Variants in GBF1 observed in about 807,000 individuals in gnomAD.
GBF1 encodes the protein Golgi-specific brefeldin A-resistance guanine nucleotide exchange factor 1.
A neutral mutation model predicts 210.5 loss-of-function variants in GBF1; 114 were observed. That is an observed-to-expected ratio of 0.54 (90% CI 0.47 to 0.63). The LOEUF (loss-of-function observed/expected upper bound fraction) is 0.63. Ranked by LOEUF, GBF1 falls within the 30% of genes least tolerant of loss-of-function variation. The pLI, the probability that GBF1 is intolerant of heterozygous loss-of-function variation, is 0.00. For synonymous variants in GBF1, 850 were observed against 889.2 expected (o/e 0.96, Z 0.78); for missense variants, 1,851 against 2,357.7 (o/e 0.79, Z 4.45).
intron 3 of GBF1, among the ~76,000 whole-genome samples, chr10:102,278,355 C>T (rs1324368409): frequency 6.6e-6 from 1 of 151,706 alleles, no homozygotes; most frequent in African/African-American, 2.4e-5. Context: ...TCGTAGCTTA[C>T]TGCAGCCTAG....
chr10:102,301,914 G>A (rs1589553750), intron 3 of GBF1, among the ~76,000 whole-genome samples: 4 of 152,206 alleles, frequency 2.6e-5, no homozygotes, highest in South Asian at 2.1e-4. Context: ...CAAGGCAGGC[G>A]GCTGGGAGGT....
At chr10:102,263,820 T>G (rs1472747382) in intron 3 of GBF1, among the ~76,000 whole-genome samples, 3 of 152,216 alleles carry the variant, frequency 2.0e-5, no homozygotes, top group Non-Finnish European at 2.9e-5. Flanking sequence ...AGGGTTGCTC[T>G]TGGAAGAAAA....
At chr10:102,261,611 C>T (rs1203616008) in intron 3 of GBF1, among the ~76,000 whole-genome samples, 4 of 130,642 alleles carry the variant, frequency 3.1e-5, no homozygotes, top group African/African-American at 9.1e-5. Flanking sequence ...TTCTTTCTTT[C>T]TTTCTTTTTT....
In GBF1 at chr10:102,382,266, C is replaced by T; in HGVS notation, c.5513C>T (p.Ala1838Val). Reference protein sequence around the residue: ...PIILNPALIEATSPVPLLATP... With the variant: ...PIILNPALIEVTSPVPLLATP... ...ATCCTCAACCCTGCGCTCATCGAGGCCACCTCACCAGTGCCCCTCCTGGCC... is the reference window on the plus strand; with the variant it reads ...ATCCTCAACCCTGCGCTCATCGAGGTCACCTCACCAGTGCCCCTCCTGGCC... Residue 1838 changes from alanine to valine, a missense_variant, in exon 40 of 40, where the codon GCC becomes GTC. Ala to Val is a moderately conservative substitution (Grantham distance 64, BLOSUM62 0). Transcript: ENST00000369983. 1 of 1,613,982 alleles carries T rather than the reference C, an allele frequency of 6.2e-7. No homozygotes were observed. Among genetic ancestry groups the T allele is most frequent in the Non-Finnish European group, 8.5e-7 (1 of 1,179,864 alleles).
At chr10:102,333,826 CT>C (rs1167907737) in intron 3 of GBF1, among the ~76,000 whole-genome samples, 2 of 152,160 alleles carry the variant, frequency 1.3e-5, no homozygotes, top group South Asian at 2.1e-4. Flanking sequence ...CACTATCAAT[CT>C]TGACTTTTGC....
At chr10:102,320,070 A>AT (rs2056255244) in intron 3 of GBF1, among the ~76,000 whole-genome samples, 1 of 151,214 alleles carries the variant, frequency 6.6e-6, no homozygotes, top group Non-Finnish European at 1.5e-5. Flanking sequence ...TTTATTTTTT[A>AT]TTTTTTACGT....
chr10:102,331,222 A>G (rs553166966), intron 3 of GBF1, among the ~76,000 whole-genome samples: 1 of 152,216 alleles, frequency 6.6e-6, no homozygotes, highest in South Asian at 2.1e-4. Context: ...AGATGGCAAA[A>G]ATAATTTTCT....
At chr10:102,276,354 G>A (rs1201763049) in intron 3 of GBF1, among the ~76,000 whole-genome samples, 11 of 151,618 alleles carry the variant, frequency 7.3e-5, no homozygotes, top group Non-Finnish European at 2.9e-5. Flanking sequence ...GTGAAACCCC[G>A]TCTCTACTAA....
upstream of GBF1, among the ~76,000 whole-genome samples, chr10:102,245,220 G>A (rs997660682): frequency 6.6e-6 from 1 of 152,106 alleles, no homozygotes; most frequent in Non-Finnish European, 1.5e-5. Flanking sequence ...ATAATGCCCA[G>A]CAGCCACTGC....
At chr10:102,350,778 G>A (rs566566905) in intron 4 of GBF1, among the ~76,000 whole-genome samples, 30 of 152,052 alleles carry the variant, frequency 2.0e-4, no homozygotes, top group Non-Finnish European at 4.4e-4. Context: ...TTTGTGTTGA[G>A]GAGCTCATTA....
At position 102,359,390 on chromosome 10, in the gene GBF1, G is replaced by A. The variant is rs760868521; in HGVS notation, c.1135G>A (p.Val379Ile). ...TGCCTCTGTCCATGACATGGATTAC[G>A]TCAATCCCCGGGGCGTGCGCTTTAC... Reference protein sequence around the residue: ...DSASVHDMDYVNPRGVRFTQS... With the variant: ...DSASVHDMDYINPRGVRFTQS... The change falls in exon 11 of 40, where the codon GTC (valine) becomes ATC (isoleucine). Residue 379 changes from valine to isoleucine, a missense_variant. Physicochemically the swap from Val to Ile is conservative, Grantham distance 29 (BLOSUM62 3). This residue lies in a region of GBF1 where 804 missense variants were observed against 958.6 expected (regional missense o/e 0.84). Coordinates refer to ENST00000369983, the MANE Select transcript of GBF1 (RefSeq NM_001377137.1). The A allele has an allele frequency of 4.7e-5, 76 of 1,613,740 alleles. No homozygotes were observed. Among genetic ancestry groups the A allele is most frequent in the Non-Finnish European group, 5.8e-5 (69 of 1,179,762 alleles).
In GBF1 at chr10:102,369,219, G is replaced by T; in HGVS notation, c.2982G>T (p.Glu994Asp). 1 of 1,612,086 alleles carries T rather than the reference G, an allele frequency of 6.2e-7. No homozygotes were observed. Among genetic ancestry groups the T allele is most frequent in the Non-Finnish European group, 8.5e-7 (1 of 1,178,282 alleles). Residue 994 changes from glutamate to aspartate, a missense_variant, in exon 24 of 40, where the codon GAG becomes GAT. Glu to Asp is a conservative substitution (Grantham distance 45, BLOSUM62 2). Transcript: ENST00000369983. ...KFTALSSESI[E>D]NLPSVFGSNP... is the part of the protein sequence containing the mutation. ...CTCTTCCTCTTTTCCAGTCTATTGA[G>T]AACCTGCCCAGTGTATTTGGAAGCA...
At chr10:102,381,014 A>G in intron 38 of GBF1, 113 bp from the exon 39 acceptor site, 1 of 1,064,592 alleles carries the variant, frequency 9.4e-7, no homozygotes, top group East Asian at 2.4e-5. Flanking sequence ...AAGTCCCCAA[A>G]GCTGAATTTA....
chr10:102,269,074 T>G (rs2074151413), intron 3 of GBF1, among the ~76,000 whole-genome samples: 1 of 152,230 alleles, frequency 6.6e-6, no homozygotes, highest in African/African-American at 2.4e-5. Context: ...AGAACTTAGA[T>G]GGACAAGCAC....
intron 3 of GBF1, among the ~76,000 whole-genome samples, chr10:102,276,096 G>T (rs1201000120): frequency 2.0e-5 from 3 of 152,046 alleles, no homozygotes; most frequent in Non-Finnish European, 4.4e-5. Flanking sequence ...AATTAGCCGG[G>T]CATGGGTGTG....
chr10:102,266,922 ACTGT>A (rs2073924274), intron 3 of GBF1, among the ~76,000 whole-genome samples: 1 of 152,212 alleles, frequency 6.6e-6, no homozygotes, highest in Non-Finnish European at 1.5e-5. Flanking sequence ...CCTGTAGGGT[ACTGT>A]CTGTCTCAAG....
intron 3 of GBF1, among the ~76,000 whole-genome samples, chr10:102,307,429 A>G (rs1384798627): frequency 2.0e-5 from 3 of 151,062 alleles, no homozygotes; most frequent in Non-Finnish European, 4.4e-5. Context: ...ATGTTCACAA[A>G]TCACCAACCT....
intron 7 of GBF1, 146 bp from the exon 8 acceptor site, chr10:102,353,454 G>A: frequency 1.4e-6 from 1 of 698,994 alleles, no homozygotes; most frequent in Non-Finnish European, 2.6e-6. Flanking sequence ...GCTCTGAAAA[G>A]GATGAAATTA....
the GBF1 span, among the ~76,000 whole-genome samples, chr10:102,239,391 A>G: frequency 6.6e-6 from 1 of 152,200 alleles, no homozygotes; most frequent in Non-Finnish European, 1.5e-5. Flanking sequence ...TCCTTTCCTG[A>G]CACAGAGTCC....
Sources: allele counts gnomAD v4.1 joint callset (sites outside exome capture counted in the v4.1 genomes callset), GRCh38; gene constraint gnomAD v4.1.1; regional missense constraint gnomAD v4.1.1; transcripts MANE v1.5; gene names NCBI Gene and HGNC (gene_info 2026-07-23, HGNC 2026-07-21).